Variants in DIP2C observed in about 807,000 individuals in gnomAD.
The protein encoded by DIP2C is disco-interacting protein 2 homolog C.
DIP2C carries 33 observed loss-of-function variants against 192.4 expected under a neutral mutation model. That is an observed-to-expected ratio of 0.17 (90% confidence interval 0.13 to 0.23). The LOEUF is 0.23. Ranked by LOEUF, DIP2C falls within the 10% of genes least tolerant of loss-of-function variation. DIP2C has a pLI of 1.00. For synonymous variants in DIP2C, 979 were observed against 864.1 expected (o/e 1.13, Z -2.33); for missense variants, 1,537 against 2,110.1 (o/e 0.73, Z 5.32).
intron 22 of DIP2C, among the ~76,000 whole-genome samples, chr10:358,402 G>A (rs2132691947): frequency 6.7e-6 from 1 of 149,968 alleles, no homozygotes; most frequent in Middle Eastern, 3.4e-3. Context: ...CAGATGTCGT[G>A]GGGTGGAGTC....
At chr10:597,096 CCCAGGGCT>C (rs766470616) in intron 1 of DIP2C, among the ~76,000 whole-genome samples, 2 of 152,204 alleles carry the variant, frequency 1.3e-5, no homozygotes, top group Non-Finnish European at 2.9e-5. Context: ...ACCCTGTCCA[CCCAGGGCT>C]CCAGGGCTCG....
intron 9 of DIP2C, 50 bp from the exon 10 acceptor site, chr10:399,269 CT>C: frequency 6.8e-7 from 1 of 1,480,478 alleles, no homozygotes; most frequent in Non-Finnish European, 9.4e-7. Context: ...TCCTGGCTTC[CT>C]AAGACGCCAC....
intron 36 of DIP2C, among the ~76,000 whole-genome samples, chr10:280,615 A>G (rs139916666): frequency 1.5e-4 from 23 of 152,318 alleles, no homozygotes; most frequent in African/African-American, 5.5e-4. Context: ...AGCACTTCAC[A>G]ACAGATTAAA....
chr10:522,382 A>G lies in DIP2C; in HGVS notation c.86-35852T>C, dbSNP rs1773483. ...GGCAGTTATAAAAGCTGCTGTCAAC[A>G]TCTGTGTGCAGATTTCCGCATGGAA... is the stretch of plus-strand genomic sequence containing the variant. On this transcript the variant is annotated intron_variant, in intron 1 of 36. Transcript: ENST00000280886. Among the ~76,000 whole-genome samples the G allele has an allele frequency of 8.9e-3, 1,361 of 152,374 alleles. 21 individuals carry two copies. The highest frequency in any genetic ancestry group is 0.032 in the African/African-American group (1,312 of 41,588).
intron 1 of DIP2C, among the ~76,000 whole-genome samples, chr10:612,666 C>A (rs1295725139): frequency 1.3e-5 from 2 of 152,294 alleles, no homozygotes; most frequent in Admixed American, 1.3e-4. Context: ...CCACAGCTCA[C>A]ATCAGGTGGC....
intron 1 of DIP2C, among the ~76,000 whole-genome samples, chr10:618,800 G>T (rs774995973): frequency 6.6e-6 from 1 of 152,166 alleles, no homozygotes; most frequent in Non-Finnish European, 1.5e-5. Context: ...GAGCCCTCCC[G>T]CACTGCTCAG....
rs765608452 is a variant in DIP2C, at chr10:366,305, G to A, written c.2238C>T (p.Gly746=). The A allele has an allele frequency of 2.0e-5, 32 of 1,613,670 alleles. No individual in the cohort carries two copies. The highest frequency in any genetic ancestry group is 5.0e-5 in the Admixed American group (3 of 59,956). Residue 746 remains glycine (G), a synonymous_variant, in exon 19 of 37, where the codon GGC becomes GGT. Transcript: ENST00000280886. ...CAVATGTSYY[G]LSGMTKNTFE... ...AGGTGTTCTTGGTCATGCCAGAGAG[G>A]CCATAGTAGGACGTGCCCGTCGCAA... is the stretch of plus-strand genomic sequence containing the variant.
chr10:302,651 C>T (rs939247366), intron 32 of DIP2C, among the ~76,000 whole-genome samples: 4 of 152,212 alleles, frequency 2.6e-5, no homozygotes, highest in Non-Finnish European at 4.4e-5. Context: ...TAGCCTCCTA[C>T]GCTCCTATGC....
chr10:493,553 G>A (rs921295372), intron 1 of DIP2C, among the ~76,000 whole-genome samples: 2 of 152,120 alleles, frequency 1.3e-5, no homozygotes, highest in Admixed American at 6.5e-5. Context: ...AGCATGGCCC[G>A]CCGCCTGCTG....
intron 29 of DIP2C, among the ~76,000 whole-genome samples, chr10:333,450 C>A (rs935427404): frequency 2.0e-5 from 3 of 152,226 alleles, no homozygotes; most frequent in Non-Finnish European, 2.9e-5. Context: ...GCCTACCACA[C>A]AGCCACACTT....
chr10:619,529 G>GCCCGCCCGCCCGCCCGCCCT (rs1853713222), intron 1 of DIP2C, among the ~76,000 whole-genome samples: 5 of 22,004 alleles, frequency 2.3e-4, no homozygotes, highest in African/African-American at 1.1e-3. Flanking sequence ...CCAGGACCAA[G>GCCCGCCCGCCCGCCCGCCCT]CCCGCCCGCC....
chr10:363,304 C>A lies in DIP2C; in HGVS notation c.2485G>T (p.Val829Leu), dbSNP rs1050168046. 2 of 1,610,846 alleles carry A rather than the reference C, an allele frequency of 1.2e-6. No homozygotes were observed. The highest frequency in any genetic ancestry group is 1.7e-6 in the Non-Finnish European group (2 of 1,179,964). ...TCGTGCAGCACGGTCACCGAGAACA[C>A]GGCTATCCTGCGGGGACACAGGAGC... ...MKFVYRGRIA[V>L]FSVTVLHDER... The change falls in exon 21 of 37, where the codon GTG becomes TTG. Residue 829 changes from valine to leucine, a missense_variant. This residue lies in a region of DIP2C where 677 missense variants were observed against 989.9 expected (regional missense o/e 0.68). Transcript: ENST00000280886. This position sits in a 1 kb window ranked among gnomAD's most constrained non-coding sequence, Gnocchi z 5.4.
chr10:510,244 G>T (rs888922316), intron 1 of DIP2C, among the ~76,000 whole-genome samples: 1 of 152,200 alleles, frequency 6.6e-6, no homozygotes, highest in Non-Finnish European at 1.5e-5. Flanking sequence ...CCAGTTTAGA[G>T]ATGAGGAAAA....
chr10:433,720 T>A (rs190754681), intron 4 of DIP2C, among the ~76,000 whole-genome samples: 1 of 152,134 alleles, frequency 6.6e-6, no homozygotes, highest in African/African-American at 2.4e-5. Context: ...AACATTTATA[T>A]CTTTTTCTAT....
At chr10:326,163 C>T (rs1313989229) in intron 31 of DIP2C, among the ~76,000 whole-genome samples, 1 of 152,088 alleles carries the variant, frequency 6.6e-6, no homozygotes, top group Non-Finnish European at 1.5e-5. Flanking sequence ...TGCACTCCAG[C>T]CTGGGTGACA....
intron 10 of DIP2C, among the ~76,000 whole-genome samples, chr10:391,535 C>T (rs1240842310): frequency 6.6e-6 from 1 of 152,252 alleles, no homozygotes; most frequent in Non-Finnish European, 1.5e-5. Context: ...CGCCAGTCGT[C>T]ACTCCTGTCC....
chr10:505,648 G>A (rs887222863), intron 1 of DIP2C, among the ~76,000 whole-genome samples: 1 of 148,314 alleles, frequency 6.7e-6, no homozygotes. Flanking sequence ...TGACACCAGG[G>A]AGATGGAGCC....
At chr10:330,523 C>T (rs1169000800) in intron 29 of DIP2C, among the ~76,000 whole-genome samples, 3 of 152,164 alleles carry the variant, frequency 2.0e-5, no homozygotes, top group Non-Finnish European at 4.4e-5. Context: ...TTAACGGGAA[C>T]GTTCTGTTGC....
At chr10:619,755 T>C (rs1397088602) in intron 1 of DIP2C, among the ~76,000 whole-genome samples, 3 of 152,092 alleles carry the variant, frequency 2.0e-5, no homozygotes, top group Non-Finnish European at 4.4e-5. Flanking sequence ...AGCCCTCTGG[T>C]GCCTCCCCAT....
Sources: allele counts gnomAD v4.1 joint callset (sites outside exome capture counted in the v4.1 genomes callset), GRCh38; gene constraint gnomAD v4.1.1; regional missense constraint gnomAD v4.1.1; non-coding constraint Gnocchi (gnomAD v3.1); transcripts MANE v1.5; gene names NCBI Gene and HGNC (gene_info 2026-07-23, HGNC 2026-07-21).